The following ISM1 variants were observed in gnomAD, a reference collection of about 807,000 sequenced individuals.
ISM1 encodes the protein isthmin 1, also known as isthmin-1.
In ISM1, 25 loss-of-function variants were observed where a neutral mutation model predicts 46.3. That is an observed-to-expected ratio of 0.54 (90% CI 0.39 to 0.75). The LOEUF is 0.75. Ranked by LOEUF, ISM1 falls within the 30% of genes least tolerant of loss-of-function variation. ISM1 has a pLI of 0.00. For synonymous variants in ISM1, 255 were observed against 256.7 expected (o/e 0.99, Z 0.06); for missense variants, 536 against 625.4 (o/e 0.86, Z 1.52).
the ISM1 span, among the ~76,000 whole-genome samples, chr20:13,308,209 T>A: frequency 6.6e-6 from 1 of 152,128 alleles, no homozygotes; most frequent in Admixed American, 6.6e-5. Context: ...CAGGAATCCA[T>A]CATCAATGAA....
intron 1 of ISM1, among the ~76,000 whole-genome samples, chr20:13,258,708 G>T (rs887689414): frequency 1.3e-5 from 2 of 152,074 alleles, no homozygotes; most frequent in Non-Finnish European, 2.9e-5. Context: ...ACTGGGAGGA[G>T]CTGTTTCTCT....
chr20:13,272,313 C>A (rs982814411), intron 2 of ISM1, among the ~76,000 whole-genome samples: 2 of 152,218 alleles, frequency 1.3e-5, no homozygotes, highest in Non-Finnish European at 2.9e-5. Flanking sequence ...TTAACACCAG[C>A]ATCATGGGAG....
intron 1 of ISM1, among the ~76,000 whole-genome samples, chr20:13,257,439 C>T (rs901312261): frequency 1.3e-5 from 2 of 152,140 alleles, no homozygotes; most frequent in Non-Finnish European, 2.9e-5. Context: ...ATCACTTGAA[C>T]CTGGGAGGTG....
At chr20:13,222,172 T>C (rs999679451) in intron 1 of ISM1, among the ~76,000 whole-genome samples, 35 of 151,570 alleles carry the variant, frequency 2.3e-4, no homozygotes, top group African/African-American at 7.5e-4. Flanking sequence ...AGGTGCGGGG[T>C]TGGTGGGGAG....
chr20:13,323,025 C>A, the ISM1 span, among the ~76,000 whole-genome samples: 1 of 152,120 alleles, frequency 6.6e-6, no homozygotes, highest in Non-Finnish European at 1.5e-5. Context: ...TCCTTCCTGA[C>A]TTCCAGAACA....
At chr20:13,259,347 T>G (rs1177081421) in intron 1 of ISM1, among the ~76,000 whole-genome samples, 1 of 152,010 alleles carries the variant, frequency 6.6e-6, no homozygotes, top group Non-Finnish European at 1.5e-5. Context: ...AAACTTCCAC[T>G]CCTTCAGAAT....
intron 1 of ISM1, among the ~76,000 whole-genome samples, chr20:13,269,807 G>A (rs1245286165): frequency 1.3e-5 from 2 of 152,062 alleles, no homozygotes; most frequent in African/African-American, 4.8e-5. Flanking sequence ...TGGATTTATT[G>A]TTTATTTCCC....
At chr20:13,318,779 G>A in the ISM1 span, among the ~76,000 whole-genome samples, 2 of 152,132 alleles carry the variant, frequency 1.3e-5, no homozygotes, top group Admixed American at 6.6e-5. Flanking sequence ...AATCTAAAGA[G>A]GCTACCTACA....
chr20:13,322,163 A>G, the ISM1 span, among the ~76,000 whole-genome samples: 1 of 152,216 alleles, frequency 6.6e-6, no homozygotes, highest in Non-Finnish European at 1.5e-5. Context: ...ACAGAGCTGA[A>G]AAGCTGCAAC....
intron 2 of ISM1, among the ~76,000 whole-genome samples, chr20:13,272,349 G>A (rs7271455): frequency 0.14 from 21,611 of 152,014 alleles, 1,597 homozygotes; most frequent in East Asian, 0.21. Flanking sequence ...GAGAACACTT[G>A]GAATACCAAC....
intron 1 of ISM1, among the ~76,000 whole-genome samples, chr20:13,268,141 C>CTTCTCTT (rs1321235119): frequency 6.6e-6 from 1 of 150,522 alleles, no homozygotes; most frequent in African/African-American, 2.5e-5. Context: ...CTTCTCTTCT[C>CTTCTCTT]TTCTCTTCTC....
At chr20:13,233,577 A>G (rs919079659) in intron 1 of ISM1, among the ~76,000 whole-genome samples, 1 of 151,146 alleles carries the variant, frequency 6.6e-6, no homozygotes, top group Non-Finnish European at 1.5e-5. Flanking sequence ...CCTGGGCAAC[A>G]AGAGCGAAAC....
chr20:13,232,628 C>T (rs1450298565), intron 1 of ISM1, among the ~76,000 whole-genome samples: 1 of 152,192 alleles, frequency 6.6e-6, no homozygotes, highest in Non-Finnish European at 1.5e-5. Flanking sequence ...GCTTTCATTT[C>T]TCTTGGGTGA....
intron 1 of ISM1, chr20:13,243,948 G>A (rs1297099958): frequency 3.3e-5 from 5 of 152,230 alleles, no homozygotes; most frequent in Admixed American, 1.3e-4. Flanking sequence ...TGTTTGCTTA[G>A]TGGAATGAGG....
At chr20:13,323,414 C>T in the ISM1 span, among the ~76,000 whole-genome samples, 1 of 152,162 alleles carries the variant, frequency 6.6e-6, no homozygotes, top group Admixed American at 6.5e-5. Context: ...ACTATTGAAC[C>T]GTGGTTCCCA....
chr20:13,326,316 T>C, the ISM1 span, among the ~76,000 whole-genome samples: 264 of 152,320 alleles, frequency 1.7e-3, 2 homozygotes, highest in African/African-American at 5.9e-3. Flanking sequence ...ATTTCATTTC[T>C]CTAGGGTAAA....
chr20:13,234,347 T>G (rs948343285), intron 1 of ISM1, among the ~76,000 whole-genome samples: 7 of 152,246 alleles, frequency 4.6e-5, no homozygotes, highest in African/African-American at 1.7e-4. Context: ...TTACCCAGTC[T>G]TCCACTGATG....
At chr20:13,305,473 G>A (rs764730946), downstream of ISM1, among the ~76,000 whole-genome samples, 12 of 152,128 alleles carry the variant, frequency 7.9e-5, no homozygotes, top group South Asian at 6.2e-4. Context: ...GTTGTGGGGC[G>A]GGGATTAGGG....
intron 4 of ISM1, 30 bp from the exon 5 acceptor site, chr20:13,292,344 A>T: frequency 7.0e-7 from 1 of 1,426,802 alleles, no homozygotes. Context: ...CCATGTAATG[A>T]TGGAAAAATG....
Sources: allele counts gnomAD v4.1 joint callset (sites outside exome capture counted in the v4.1 genomes callset), GRCh38; gene constraint gnomAD v4.1.1; transcripts MANE v1.5; gene names NCBI Gene and HGNC (gene_info 2026-07-23, HGNC 2026-07-21).